The following MSN variants were observed in gnomAD, a reference collection of about 807,000 sequenced individuals.
MSN encodes the protein moesin.
A neutral mutation model predicts 48.0 loss-of-function variants in MSN; 2 were observed. The observed-to-expected ratio is 0.04, with a 90% CI of 0.02 to 0.13. The LOEUF (loss-of-function observed/expected upper bound fraction) is 0.13, where lower values mean the gene tolerates loss of function less well. MSN is among the 10% of genes least tolerant of loss of function. MSN has a pLI of 1.00. For synonymous variants in MSN, 146 were observed against 166.9 expected, an observed-to-expected ratio of 0.87 and a Z score of 0.97; for missense variants, 267 against 470.1, an observed-to-expected ratio of 0.57 and a Z score of 3.99.
chrX:65,650,583 C>G (rs943152764), intron 1 of MSN, among the ~76,000 whole-genome samples: 1 of 111,929 alleles, frequency 8.9e-6, no homozygotes, highest in African/African-American at 3.2e-5. Flanking sequence ...TTTATTTAAC[C>G]TAATATTAAT....
At chrX:65,602,805 TA>T (rs1234095399) in intron 1 of MSN, among the ~76,000 whole-genome samples, 4 of 112,329 alleles carry the variant, frequency 3.6e-5, no homozygotes, top group African/African-American at 1.3e-4. Flanking sequence ...TAACACTTGA[TA>T]AATGGCAGTT....
intron 1 of MSN, among the ~76,000 whole-genome samples, chrX:65,699,265 T>G (rs911599043): frequency 8.9e-6 from 1 of 111,818 alleles, no homozygotes; most frequent in Non-Finnish European, 1.9e-5. Flanking sequence ...TTTACTGGGA[T>G]TGGACTCAGA....
chrX:65,610,216 C>G (rs749860577), intron 1 of MSN, among the ~76,000 whole-genome samples: 1 of 111,899 alleles, frequency 8.9e-6, no homozygotes, highest in African/African-American at 3.2e-5. Flanking sequence ...ACGTTTTCAT[C>G]AACCCAAACG....
chrX:65,728,060 C>G (rs1267420634), intron 3 of MSN, 151 bp downstream of exon 3: 3 of 446,888 alleles, frequency 6.7e-6, no homozygotes, highest in Non-Finnish European at 1.1e-5. Context: ...GAATAAGGAC[C>G]GAGGACACAA....
chrX:65,603,845 A>T (rs940942186), intron 1 of MSN, among the ~76,000 whole-genome samples: 5 of 112,205 alleles, frequency 4.5e-5, no homozygotes, highest in Non-Finnish European at 9.4e-5. Flanking sequence ...GTCACAGTCA[A>T]GAGGGACAGA....
intron 1 of MSN, among the ~76,000 whole-genome samples, chrX:65,674,940 C>T (rs2070982521): frequency 8.9e-6 from 1 of 112,152 alleles, no homozygotes; most frequent in South Asian, 3.7e-4. Flanking sequence ...CCTCATTTTC[C>T]TTAACCATAA....
intron 1 of MSN, among the ~76,000 whole-genome samples, chrX:65,685,996 A>G (rs1319799815): frequency 1.8e-5 from 2 of 112,697 alleles, no homozygotes; most frequent in Non-Finnish European, 3.8e-5. Context: ...CAGAGAAGCT[A>G]GATTAGAATC....
At chrX:65,664,388 A>G (rs1445029300), upstream of MSN, among the ~76,000 whole-genome samples, 1 of 112,035 alleles carries the variant, frequency 8.9e-6, no homozygotes, top group Non-Finnish European at 1.9e-5. Context: ...ACCTGAGTGC[A>G]ATATATCTAT....
intron 1 of MSN, among the ~76,000 whole-genome samples, chrX:65,687,415 C>G (rs951445927): frequency 8.9e-6 from 1 of 111,868 alleles, no homozygotes; most frequent in Non-Finnish European, 1.9e-5. Context: ...TGTGGACTGC[C>G]TGTTCTAAAT....
At chrX:65,695,109 T>G (rs1347956900) in intron 1 of MSN, among the ~76,000 whole-genome samples, 1 of 106,612 alleles carries the variant, frequency 9.4e-6, no homozygotes, top group Non-Finnish European at 1.9e-5. Context: ...TGTGTGTGTG[T>G]GGTGGTGGTG....
chrX:65,662,343 A>C (rs916526121), intron 1 of MSN, among the ~76,000 whole-genome samples: 4 of 112,455 alleles, frequency 3.6e-5, no homozygotes, highest in Non-Finnish European at 5.6e-5. Flanking sequence ...TTAAGCAAAA[A>C]GAACAAAGCT....
chrX:65,641,451 G>A (rs760615767), intron 1 of MSN, among the ~76,000 whole-genome samples: 47 of 95,396 alleles, frequency 4.9e-4, no homozygotes, highest in African/African-American at 1.7e-3. Flanking sequence ...AATCACTTGA[G>A]CCTGGGAGGC....
intron 1 of MSN, among the ~76,000 whole-genome samples, chrX:65,618,663 T>C (rs1156501886): frequency 1.8e-5 from 2 of 111,197 alleles, no homozygotes; most frequent in African/African-American, 6.6e-5. Context: ...CTTTATCCAA[T>C]TTGCCAGTCT....
chrX:65,617,383 C>G (rs1419399377), intron 1 of MSN, among the ~76,000 whole-genome samples: 1 of 108,502 alleles, frequency 9.2e-6, no homozygotes, highest in Non-Finnish European at 1.9e-5. Context: ...ACAATTTCAG[C>G]TCCTGTTATT....
intron 1 of MSN, among the ~76,000 whole-genome samples, chrX:65,609,752 A>G (rs2070306013): frequency 9.0e-6 from 1 of 111,369 alleles, no homozygotes; most frequent in African/African-American, 3.3e-5. Flanking sequence ...GCGTGGTGGC[A>G]TGTGCCTGTA....
intron 1 of MSN, among the ~76,000 whole-genome samples, chrX:65,640,926 T>C (rs2070644423): frequency 9.0e-6 from 1 of 110,843 alleles, no homozygotes; most frequent in Admixed American, 9.6e-5. Flanking sequence ...CTGGGCAACA[T>C]GGCAAAACTC....
At chrX:65,657,278 G>A (rs750922578) in intron 1 of MSN, among the ~76,000 whole-genome samples, 30 of 111,532 alleles carry the variant, frequency 2.7e-4, no homozygotes, top group African/African-American at 4.9e-4. Context: ...GAGCTCGAGG[G>A]GAGAGGAGGG....
At chrX:65,619,735 G>A (rs2070415156) in intron 1 of MSN, among the ~76,000 whole-genome samples, 1 of 109,203 alleles carries the variant, frequency 9.2e-6, no homozygotes, top group Admixed American at 9.6e-5. Flanking sequence ...ATCCAGCTTT[G>A]TTCCGTTGCT....
At chrX:65,590,070 T>G (rs1476809539) in intron 1 of MSN, among the ~76,000 whole-genome samples, 1 of 110,660 alleles carries the variant, frequency 9.0e-6, no homozygotes, top group African/African-American at 3.3e-5. Context: ...TTGGTCAGGC[T>G]GGTCTGGAAC....
Sources: allele counts gnomAD v4.1 joint callset (sites outside exome capture counted in the v4.1 genomes callset), GRCh38; gene constraint gnomAD v4.1.1; transcripts MANE v1.5; gene names NCBI Gene and HGNC (gene_info 2026-07-23, HGNC 2026-07-21).